Variants in PEPD observed in about 807,000 individuals in gnomAD.
The protein encoded by PEPD is xaa-Pro dipeptidase.
A neutral mutation model predicts 60.7 loss-of-function variants in PEPD; 53 were observed. The observed-to-expected ratio is 0.87, with a 90% CI of 0.70 to 1.10. The LOEUF is 1.10. Ranked by LOEUF, PEPD falls within the 50% of genes least tolerant of loss-of-function variation. The pLI is 0.00. For synonymous variants in PEPD, 267 were observed against 284.1 expected (o/e 0.94, Z 0.60); for missense variants, 711 against 711.9 (o/e 1.00, Z 0.01).
At chr19:33,387,596 G>C in intron 14 of PEPD, 115 bp from the exon 15 acceptor site, 1 of 1,380,316 alleles carries the variant, frequency 7.2e-7, no homozygotes. Context: ...GACACTCCCT[G>C]GGAGACGGGT....
chr19:33,422,824 A>ATCTATCTATCTATCTATCTATCTG (rs1969054747), intron 9 of PEPD, among the ~76,000 whole-genome samples: 1 of 89,028 alleles, frequency 1.1e-5, no homozygotes, highest in African/African-American at 3.3e-5. Context: ...TTCTATATCT[A>ATCTATCTATCTATCTATCTATCTG]TCTATCTATC....
chr19:33,387,714 G>A, intron 14 of PEPD, 176 bp downstream of exon 14: 1 of 762,010 alleles, frequency 1.3e-6, no homozygotes. Context: ...CAGGATCTCT[G>A]TCTGTTCCTA....
intron 2 of PEPD, among the ~76,000 whole-genome samples, chr19:33,512,038 C>T (rs2145354940): frequency 6.6e-6 from 1 of 152,286 alleles, no homozygotes; most frequent in East Asian, 1.9e-4. Context: ...TCCCATCTCT[C>T]CTCTTGCCAG....
At chr19:33,472,506 C>T (rs374198901) in intron 7 of PEPD, among the ~76,000 whole-genome samples, 98 of 152,316 alleles carry the variant, frequency 6.4e-4, no homozygotes, top group African/African-American at 2.3e-3. Flanking sequence ...AAGTCTCCTA[C>T]CCCATGTAGG....
intron 5 of PEPD, among the ~76,000 whole-genome samples, 159 bp downstream of exon 5, chr19:33,493,131 C>T (rs984165194): frequency 1.3e-5 from 2 of 152,216 alleles, no homozygotes; most frequent in African/African-American, 4.8e-5. Context: ...CCCACCTTGC[C>T]TCTCAAGGCA....
intron 1 of PEPD, among the ~76,000 whole-genome samples, chr19:33,513,992 T>G (rs1970981547): frequency 1.0e-5 from 1 of 98,020 alleles, no homozygotes; most frequent in South Asian, 3.5e-4. Flanking sequence ...CACTCTTCAT[T>G]TATTTGTTTG....
intron 12 of PEPD, among the ~76,000 whole-genome samples, chr19:33,397,569 G>A (rs937513556): frequency 6.6e-5 from 10 of 152,062 alleles, no homozygotes; most frequent in Non-Finnish European, 1.0e-4. Context: ...TGCCCTTGGG[G>A]GACACCAATG....
At chr19:33,489,681 C>T (rs1454245755) in intron 6 of PEPD, among the ~76,000 whole-genome samples, 1 of 151,982 alleles carries the variant, frequency 6.6e-6, no homozygotes, top group Admixed American at 6.6e-5. Context: ...GCACAGACCA[C>T]AGGGGCTCAC....
At chr19:33,393,217 C>T (rs111809322) in intron 12 of PEPD, among the ~76,000 whole-genome samples, 2 of 140,326 alleles carry the variant, frequency 1.4e-5, no homozygotes, top group African/African-American at 2.7e-5. Context: ...GGTCTGGCGT[C>T]GGGGAGGCCG....
intron 9 of PEPD, among the ~76,000 whole-genome samples, chr19:33,424,985 A>G (rs1375653691): frequency 6.7e-6 from 1 of 148,456 alleles, no homozygotes; most frequent in African/African-American, 2.4e-5. Context: ...GCTCTTTAAA[A>G]AAACAAAAAA....
intron 11 of PEPD, among the ~76,000 whole-genome samples, chr19:33,403,222 C>T (rs1457246437): frequency 6.6e-6 from 1 of 152,222 alleles, no homozygotes; most frequent in Admixed American, 6.5e-5. Flanking sequence ...GCGGAACCCT[C>T]GGGTCCACCA....
At chr19:33,500,849 A>C (rs1600166568) in intron 4 of PEPD, 89 bp downstream of exon 4, 2 of 814,208 alleles carry the variant, frequency 2.5e-6, no homozygotes, top group African/African-American at 3.3e-5. Context: ...GACATCCAGC[A>C]AGGTTGTGGC....
chr19:33,519,519 T>C (rs1971090573), intron 1 of PEPD, among the ~76,000 whole-genome samples: 1 of 152,210 alleles, frequency 6.6e-6, no homozygotes. Flanking sequence ...TCTGTGAGTG[T>C]GGCTAGGAGC....
intron 9 of PEPD, among the ~76,000 whole-genome samples, chr19:33,453,139 T>A (rs1275561673): frequency 6.6e-6 from 1 of 151,004 alleles, no homozygotes; most frequent in African/African-American, 2.4e-5. Context: ...TATAATGAGA[T>A]CCCAAGTCCA....
At chr19:33,473,490 G>A (rs559147302) in intron 7 of PEPD, among the ~76,000 whole-genome samples, 5 of 152,184 alleles carry the variant, frequency 3.3e-5, no homozygotes, top group East Asian at 3.9e-4. Context: ...GACACTTTTC[G>A]TTCTGTGTAA....
Position 33,391,338 on chromosome 19 carries a change from T to C in PEPD, c.1109A>G (p.His370Arg), listed in dbSNP as rs1968214010. Residue 370 changes from histidine to arginine, a missense_variant, in exon 13 of 15, where the codon CAC (histidine) becomes CGC (arginine). Coordinates refer to ENST00000244137, the MANE Select transcript of PEPD (RefSeq NM_000285.4). ...GAVFMPHGLGHFLGIDVHDVG... is the reference protein window; with the variant it reads ...GAVFMPHGLGRFLGIDVHDVG... ...GTCGTGCACGTCAATGCCCAGGAAGTGGCCAAGCCCGTGAGGCATAAACAC... is the reference window on the plus strand; with the variant it reads ...GTCGTGCACGTCAATGCCCAGGAAGCGGCCAAGCCCGTGAGGCATAAACAC... The C allele has an allele frequency of 6.2e-7, 1 of 1,611,900 alleles. No homozygotes were observed. Among genetic ancestry groups the C allele is most frequent in the African/African-American group, 1.3e-5 (1 of 75,022 alleles).
intron 6 of PEPD, among the ~76,000 whole-genome samples, chr19:33,480,366 T>C (rs938067600): frequency 3.9e-5 from 6 of 152,136 alleles, no homozygotes; most frequent in African/African-American, 1.2e-4. Flanking sequence ...ATTACAAATA[T>C]ATGCACATAA....
intron 6 of PEPD, among the ~76,000 whole-genome samples, chr19:33,484,708 A>T (rs1373822847): frequency 6.6e-6 from 1 of 152,192 alleles, no homozygotes; most frequent in Non-Finnish European, 1.5e-5. Context: ...CCACACCCTG[A>T]TATACACACA....
intron 7 of PEPD, among the ~76,000 whole-genome samples, chr19:33,467,123 C>A (rs1197914941): frequency 6.7e-6 from 1 of 150,270 alleles, no homozygotes; most frequent in Non-Finnish European, 1.5e-5. Context: ...CGCCACTGCA[C>A]TCCAGCCTGG....
Sources: gnomAD v4.1 joint callset for allele counts (sites outside exome capture counted in the v4.1 genomes callset) on GRCh38, gnomAD v4.1.1 for gene constraint, MANE v1.5 for transcripts, NCBI Gene and HGNC (gene_info 2026-07-23, HGNC 2026-07-21) for gene names.